SEC24D: variants seen among roughly 807,000 people sequenced by gnomAD.
The protein encoded by SEC24D is SEC24 homolog D, COPII component, also known as protein transport protein Sec24D.
A neutral mutation model predicts 116.9 loss-of-function variants in SEC24D; 69 were observed. The observed-to-expected ratio is 0.59, with a 90% CI of 0.49 to 0.72. The LOEUF is 0.72. SEC24D is among the 30% of genes least tolerant of loss of function. The pLI, the probability that SEC24D is intolerant of heterozygous loss-of-function variation, is 0.00. For missense variants in SEC24D, 1,131 were observed against 1,264.1 expected, an observed-to-expected ratio of 0.89 and a Z score of 1.60; for synonymous variants, 405 against 442.8, an observed-to-expected ratio of 0.91 and a Z score of 1.07.
chr4:118,802,788 A>T (rs1056443352), intron 7 of SEC24D, among the ~76,000 whole-genome samples: 1 of 152,226 alleles, frequency 6.6e-6, no homozygotes, highest in Non-Finnish European at 1.5e-5. Flanking sequence ...AGATACTTGT[A>T]CGTAAATATC....
intron 8 of SEC24D, among the ~76,000 whole-genome samples, chr4:118,797,436 A>G (rs996988378): frequency 3.9e-5 from 6 of 152,216 alleles, no homozygotes; most frequent in African/African-American, 1.4e-4. Context: ...TATTTTCTGT[A>G]TGTGTGCATT....
chr4:118,766,061 C>T (rs1321924890), intron 9 of SEC24D, among the ~76,000 whole-genome samples: 1 of 152,130 alleles, frequency 6.6e-6, no homozygotes, highest in Non-Finnish European at 1.5e-5. Flanking sequence ...GAGGATGCTG[C>T]CTCGGCTATC....
chr4:118,753,734 C>T (rs1228892882), intron 11 of SEC24D, among the ~76,000 whole-genome samples: 1 of 151,738 alleles, frequency 6.6e-6, no homozygotes, highest in Non-Finnish European at 1.5e-5. Flanking sequence ...TTTTGTCTCC[C>T]CTAAAAGAAA....
At chr4:118,771,564 T>C (rs1394368571) in intron 8 of SEC24D, among the ~76,000 whole-genome samples, 1 of 151,718 alleles carries the variant, frequency 6.6e-6, no homozygotes, top group African/African-American at 2.4e-5. Context: ...AAAATGTATC[T>C]CTTGTGTATG....
intron 21 of SEC24D, 125 bp downstream of exon 21, chr4:118,731,191 C>A: frequency 1.3e-6 from 1 of 768,642 alleles, no homozygotes; most frequent in East Asian, 2.7e-5. Context: ...GAAATTATTT[C>A]TTTCATATAC....
chr4:118,764,219 T>C (rs1324917736), intron 10 of SEC24D, among the ~76,000 whole-genome samples: 1 of 152,144 alleles, frequency 6.6e-6, no homozygotes, highest in Admixed American at 6.6e-5. Context: ...AATTTAATTT[T>C]TTAGAAAAGA....
intron 21 of SEC24D, 34 bp downstream of exon 21, chr4:118,731,282 A>T: frequency 6.5e-7 from 1 of 1,548,086 alleles, no homozygotes; most frequent in South Asian, 1.1e-5. Flanking sequence ...TATATTTTTC[A>T]TATTACCACA....
Position 118,738,360 on chromosome 4 carries a change from G to C in SEC24D, c.2397C>G (p.His799Gln). 6.2e-7 allele frequency: 1 copy of C among 1,611,602 alleles called. No individual in the cohort carries two copies. Among genetic ancestry groups the C allele is most frequent in the Non-Finnish European group, 8.5e-7 (1 of 1,177,786 alleles). Residue 799 changes from histidine (H) to glutamine (Q), a missense_variant, in exon 19 of 23, where the codon CAC becomes CAG. Transcript: ENST00000280551. ...TTTCCCGGATGACCTTCAAAGGCTG[G>C]TGGAGAACTGCTTTAAAAGCTACAT... ...FAKSAFKAVL[H>Q]QPLKVIREIL... is the part of the protein sequence containing the mutation.
chr4:118,799,724 T>C (rs1429468988), intron 7 of SEC24D, among the ~76,000 whole-genome samples: 1 of 152,144 alleles, frequency 6.6e-6, no homozygotes, highest in Non-Finnish European at 1.5e-5. Context: ...GGCACGATCA[T>C]CTGTGCCAGA....
In SEC24D at chr4:118,815,695, G is replaced by A. The variant is rs150602522; in HGVS notation, c.429C>T (p.Pro143=). The change falls in exon 5 of 23, where the codon CCC becomes CCT. Residue 143 remains proline (P), a synonymous_variant. Coordinates refer to ENST00000280551, the MANE Select transcript of SEC24D (RefSeq NM_014822.4). ...ATGATGTGGCTGACAGAGGGCCAGG[G>A]GGTCCCTGGCTTGGAGGAGCCATGC... ...GSGMAPPSQG[P]PGPLSATSLQ... 3,332 of 1,614,070 alleles carry A rather than the reference G, an allele frequency of 2.1e-3. 7 individuals are homozygous for A. The highest frequency in any genetic ancestry group is 2.6e-3 in the South Asian group (235 of 91,080).
At chr4:118,820,833 T>G (rs1730370547) in intron 3 of SEC24D, among the ~76,000 whole-genome samples, 1 of 152,166 alleles carries the variant, frequency 6.6e-6, no homozygotes, top group Admixed American at 6.5e-5. Flanking sequence ...TAATTTACAT[T>G]TCACTGAATG....
Position 118,732,730 on chromosome 4 carries a change from T to A in SEC24D, c.2676+3A>T. On this transcript the variant is annotated splice_donor_region_variant and intron_variant, in intron 20 of 22. Coordinates refer to ENST00000280551, the MANE Select transcript of SEC24D (RefSeq NM_014822.4). Reference sequence around the variant, plus strand: ...GGGAAATGCACCACCCCAGCATGCTTACTATGGGCAGAAGTTGTGGGTAGA... The same window carrying A: ...GGGAAATGCACCACCCCAGCATGCTAACTATGGGCAGAAGTTGTGGGTAGA... 2 of 1,613,484 alleles carry A rather than the reference T, an allele frequency of 1.2e-6. No individual in the cohort carries two copies. The highest frequency in any genetic ancestry group is 8.5e-7 in the Non-Finnish European group (1 of 1,179,662).
intron 8 of SEC24D, among the ~76,000 whole-genome samples, chr4:118,769,363 G>A (rs1252398408): frequency 1.3e-5 from 2 of 152,150 alleles, no homozygotes; most frequent in East Asian, 1.9e-4. Context: ...TGGCTTTCGG[G>A]AGAAAACCAC....
chr4:118,743,441 C>G (rs1371280501), intron 15 of SEC24D, among the ~76,000 whole-genome samples: 1 of 152,058 alleles, frequency 6.6e-6, no homozygotes, highest in Non-Finnish European at 1.5e-5. Context: ...CAAACTCCAC[C>G]AGATGCTCAA....
At chr4:118,726,832 C>A (rs780758037) in intron 22 of SEC24D, among the ~76,000 whole-genome samples, 10 of 152,170 alleles carry the variant, frequency 6.6e-5, no homozygotes, top group Non-Finnish European at 1.5e-4. Flanking sequence ...TCTAAGAGGA[C>A]TGTTTTTGAA....
rs771020078 is a variant in SEC24D at position 118,738,296 on chromosome 4, G to A, written c.2461C>T (p.Arg821Trp). The A allele has an allele frequency of 1.1e-5, 17 of 1,613,402 alleles. No homozygotes were observed. The highest frequency in any genetic ancestry group is 3.3e-5 in the Admixed American group (2 of 59,990). The change falls in exon 19 of 23, where the codon CGG becomes TGG. Residue 821 changes from arginine to tryptophan, a missense_variant. Coordinates refer to ENST00000280551, the MANE Select transcript of SEC24D (RefSeq NM_014822.4). ...NQTAHMLACY[R>W]KNCASPSAAS... ...GCAGAAGGACTTGCACAATTCTTCC[G>A]GTAACATGCCAACATATGGGCAGTC...
At chr4:118,760,832 C>G (rs2110466352) in intron 10 of SEC24D, among the ~76,000 whole-genome samples, 1 of 152,142 alleles carries the variant, frequency 6.6e-6, no homozygotes, top group South Asian at 2.1e-4. Flanking sequence ...CTCAGCATCC[C>G]AAGTAGCTGG....
intron 8 of SEC24D, among the ~76,000 whole-genome samples, chr4:118,784,744 C>G (rs543413671): frequency 3.3e-4 from 50 of 151,270 alleles, no homozygotes; most frequent in African/African-American, 8.5e-4. Flanking sequence ...TCCCTGCCCC[C>G]CCCCCCGCCA....
At chr4:118,751,175 G>GTTTTTTTTTTTTT (rs1560635909) in intron 13 of SEC24D, among the ~76,000 whole-genome samples, 2 of 97,320 alleles carry the variant, frequency 2.1e-5, no homozygotes, top group Non-Finnish European at 4.6e-5. Context: ...TAGAGTGAGG[G>GTTTTTTTTTTTTT]CTTTTTTTTT....
Sources: gnomAD v4.1 joint callset for allele counts (sites outside exome capture counted in the v4.1 genomes callset) on GRCh38, gnomAD v4.1.1 for gene constraint, MANE v1.5 for transcripts, NCBI Gene and HGNC (gene_info 2026-07-23, HGNC 2026-07-21) for gene names.